The following NOL4 variants were observed in gnomAD, a reference collection of about 807,000 sequenced individuals.
NOL4 encodes nucleolar protein 4, also known as cancer/testis antigen 125.
In NOL4, 17 loss-of-function variants were observed where a neutral mutation model predicts 75.9. The ratio of observed to expected loss-of-function variants is 0.22; its 90% CI spans 0.15 to 0.34. The LOEUF is 0.34. Ranked by LOEUF, NOL4 falls within the 10% of genes least tolerant of loss-of-function variation. NOL4 has a pLI of 1.00. For missense variants in NOL4, 614 were observed against 793.5 expected, an observed-to-expected ratio of 0.77 and a Z score of 2.72; for synonymous variants, 292 against 289.9, an observed-to-expected ratio of 1.01 and a Z score of -0.07.
At chr18:34,052,466 A>G (rs368573709) in intron 5 of NOL4, among the ~76,000 whole-genome samples, 101 of 152,196 alleles carry the variant, frequency 6.6e-4, no homozygotes, top group African/African-American at 2.3e-3. Flanking sequence ...GAAAGAAGTT[A>G]AGGAAAATGT....
At chr18:34,222,941 C>A in intron 1 of NOL4, 49 bp downstream of exon 1, 2 of 1,588,320 alleles carry the variant, frequency 1.3e-6, no homozygotes, top group Middle Eastern at 1.7e-4. Context: ...CCTCCCTCCC[C>A]GCCGGGCTGC....
intron 6 of NOL4, among the ~76,000 whole-genome samples, chr18:34,015,968 T>C (rs762994191): frequency 6.6e-6 from 1 of 152,084 alleles, no homozygotes; most frequent in Non-Finnish European, 1.5e-5. Flanking sequence ...ATGGACGAGA[T>C]AGTAAGCCAG....
chr18:34,139,135 TCTC>T (rs2081028461), intron 1 of NOL4, among the ~76,000 whole-genome samples: 1 of 152,158 alleles, frequency 6.6e-6, no homozygotes, highest in African/African-American at 2.4e-5. Flanking sequence ...GGTCTAAAAT[TCTC>T]CTTTTTTGTT....
chr18:33,860,762 C>T (rs1225559360), intron 10 of NOL4, among the ~76,000 whole-genome samples: 1 of 151,916 alleles, frequency 6.6e-6, no homozygotes, highest in African/African-American at 2.4e-5. Context: ...ATGATATTGG[C>T]TGTGGGTTTG....
At chr18:33,922,202 A>G (rs2067082232) in intron 9 of NOL4, among the ~76,000 whole-genome samples, 1 of 152,184 alleles carries the variant, frequency 6.6e-6, no homozygotes, top group Non-Finnish European at 1.5e-5. Flanking sequence ...ATTTTGAGTC[A>G]CCCAAGATAA....
chr18:34,075,673 A>C (rs1275954599), intron 5 of NOL4, among the ~76,000 whole-genome samples: 1 of 152,214 alleles, frequency 6.6e-6, no homozygotes, highest in Non-Finnish European at 1.5e-5. Context: ...ATGACATTAG[A>C]GACACGGTCA....
At chr18:34,134,283 T>G (rs1386773530) in intron 1 of NOL4, among the ~76,000 whole-genome samples, 2 of 152,162 alleles carry the variant, frequency 1.3e-5, no homozygotes, top group Admixed American at 6.5e-5. Flanking sequence ...CTGAAGTAGA[T>G]TCTGATAATT....
intron 1 of NOL4, chr18:34,222,574 C>T: frequency 1.8e-6 from 1 of 556,904 alleles, no homozygotes; most frequent in Non-Finnish European, 2.3e-6. Flanking sequence ...CTCGTCTGCT[C>T]TCAGAGCGTG....
intron 6 of NOL4, among the ~76,000 whole-genome samples, chr18:33,988,535 A>C (rs8087475): frequency 6.6e-6 from 1 of 151,912 alleles, no homozygotes. Flanking sequence ...CCTCATGGGC[A>C]TGAGATTCTT....
chr18:33,873,163 C>T (rs1271150231), intron 10 of NOL4, among the ~76,000 whole-genome samples: 1 of 152,010 alleles, frequency 6.6e-6, no homozygotes, highest in African/African-American at 2.4e-5. Flanking sequence ...ACAAATTCAC[C>T]GTGGGGGATT....
chr18:34,053,310 G>GA (rs879555932), intron 5 of NOL4, among the ~76,000 whole-genome samples: 35 of 149,732 alleles, frequency 2.3e-4, no homozygotes, highest in African/African-American at 4.9e-4. Context: ...GAAAACTGTT[G>GA]AAAAAAAAAT....
At chr18:34,011,340 T>C (rs182230583) in intron 6 of NOL4, among the ~76,000 whole-genome samples, 1 of 151,900 alleles carries the variant, frequency 6.6e-6, no homozygotes, top group East Asian at 1.9e-4. Flanking sequence ...AAATGTAAAC[T>C]AGCATATTGA....
At chr18:34,115,502 C>T (rs1211792636) in intron 2 of NOL4, among the ~76,000 whole-genome samples, 1 of 136,050 alleles carries the variant, frequency 7.4e-6, no homozygotes, top group Non-Finnish European at 1.6e-5. Context: ...CCCCTTAGCA[C>T]ATGCACAGTG....
chr18:33,872,652 T>C (rs1567985584), intron 10 of NOL4, among the ~76,000 whole-genome samples: 2 of 151,984 alleles, frequency 1.3e-5, no homozygotes, highest in Non-Finnish European at 2.9e-5. Flanking sequence ...TGGGAATGTT[T>C]CTTTGTGTTG....
At chr18:34,131,920 T>G (rs758183134) in intron 1 of NOL4, among the ~76,000 whole-genome samples, 4 of 152,194 alleles carry the variant, frequency 2.6e-5, no homozygotes, top group African/African-American at 7.2e-5. Flanking sequence ...GGGTAGTATA[T>G]TAATTTCTTA....
At chr18:33,921,284 G>T (rs1447589945) in intron 9 of NOL4, among the ~76,000 whole-genome samples, 1 of 152,102 alleles carries the variant, frequency 6.6e-6, no homozygotes, top group Non-Finnish European at 1.5e-5. Flanking sequence ...AGAGGAGATT[G>T]GACTTAGAGT....
intron 6 of NOL4, among the ~76,000 whole-genome samples, chr18:33,971,846 T>C (rs2071088618): frequency 6.6e-6 from 1 of 152,190 alleles, no homozygotes; most frequent in Non-Finnish European, 1.5e-5. Flanking sequence ...GACTCTTTGA[T>C]GTGTAAATTA....
At chr18:34,123,457 TGATA>T (rs926066382) in intron 2 of NOL4, among the ~76,000 whole-genome samples, 5 of 148,728 alleles carry the variant, frequency 3.4e-5, no homozygotes, top group African/African-American at 1.2e-4. Context: ...TGTGTGTAAC[TGATA>T]AATAAACCAA....
chr18:34,003,041 T>C (rs1368083345), intron 6 of NOL4, among the ~76,000 whole-genome samples: 2 of 152,144 alleles, frequency 1.3e-5, no homozygotes, highest in Non-Finnish European at 1.5e-5. Flanking sequence ...TCATTCTCTG[T>C]GTCCTTGCAT....
Sources: gnomAD v4.1 joint callset for allele counts (sites outside exome capture counted in the v4.1 genomes callset) on GRCh38, gnomAD v4.1.1 for gene constraint, MANE v1.5 for transcripts, NCBI Gene and HGNC (gene_info 2026-07-23, HGNC 2026-07-21) for gene names.